Variants in SLC24A3 observed in about 807,000 individuals in gnomAD.
SLC24A3 encodes the protein sodium/potassium/calcium exchanger 3.
Under a neutral mutation model 75.8 loss-of-function variants are expected in SLC24A3, and 28 were observed. That is an observed-to-expected ratio of 0.37 (90% confidence interval 0.27 to 0.51). The LOEUF (loss-of-function observed/expected upper bound fraction) is 0.51. Ranked by LOEUF, SLC24A3 falls within the 20% of genes least tolerant of loss-of-function variation. SLC24A3 has a pLI of 0.94. For synonymous variants in SLC24A3, 372 were observed against 334.1 expected (o/e 1.11, Z -1.24); for missense variants, 663 against 847.8 (o/e 0.78, Z 2.71).
chr20:19,637,153 TA>T (rs1267750925), intron 6 of SLC24A3, among the ~76,000 whole-genome samples: 1 of 152,104 alleles, frequency 6.6e-6, no homozygotes, highest in Non-Finnish European at 1.5e-5. Context: ...ATACAAAAAT[TA>T]GCCAGACATG....
intron 2 of SLC24A3, among the ~76,000 whole-genome samples, chr20:19,510,664 G>C (rs561263467): frequency 1.3e-5 from 2 of 152,348 alleles, no homozygotes; most frequent in African/African-American, 4.8e-5. Context: ...AGAGGAGGAA[G>C]AGACCAGAGT....
intron 2 of SLC24A3, among the ~76,000 whole-genome samples, chr20:19,312,748 G>A (rs1984489102): frequency 6.6e-6 from 1 of 152,178 alleles, no homozygotes; most frequent in Non-Finnish European, 1.5e-5. Context: ...GAAGGGCCTT[G>A]GGGTTGTGAG....
At chr20:19,573,971 G>A (rs544446770) in intron 3 of SLC24A3, among the ~76,000 whole-genome samples, 4 of 152,340 alleles carry the variant, frequency 2.6e-5, no homozygotes, top group South Asian at 2.1e-4. Flanking sequence ...AACCTCTTAC[G>A]TTGGGTACTT....
chr20:19,716,224 AT>A, intron 15 of SLC24A3, among the ~76,000 whole-genome samples: 1 of 152,076 alleles, frequency 6.6e-6, no homozygotes, highest in South Asian at 2.1e-4. Context: ...AATCTCTTCT[AT>A]TTTGGGGCAG....
chr20:19,222,821 C>CTTCCTTCCTTCCTTCG (rs1981764022), intron 1 of SLC24A3, among the ~76,000 whole-genome samples: 2 of 145,126 alleles, frequency 1.4e-5, no homozygotes, highest in African/African-American at 2.5e-5. Context: ...TCCTTCGTTC[C>CTTCCTTCCTTCCTTCG]TTCCTTCCTT....
chr20:19,544,438 C>T (rs193229041), intron 3 of SLC24A3, among the ~76,000 whole-genome samples: 22 of 152,058 alleles, frequency 1.4e-4, no homozygotes, highest in Non-Finnish European at 3.1e-4. Flanking sequence ...ACAGAGAGCT[C>T]GAAAGAAAAA....
intron 2 of SLC24A3, among the ~76,000 whole-genome samples, chr20:19,436,172 A>C (rs913237981): frequency 6.6e-6 from 1 of 152,196 alleles, no homozygotes; most frequent in Non-Finnish European, 1.5e-5. Flanking sequence ...CTGTTTTCAT[A>C]TCCTATACTA....
At position 19,508,828 on chromosome 20, in the gene SLC24A3, G is replaced by A. The variant is rs1988496992; in HGVS notation, c.272-6660G>A. Among the ~76,000 whole-genome samples the A allele has an allele frequency of 2.0e-5, 3 of 152,378 alleles. No individual in the cohort carries two copies. In the South Asian group the frequency reaches 6.2e-4, roughly 32 times the overall value. ...GAGGCTGCTCCGTTCTCCCTGCATA[G>A]GTAGCTGCTGTTAACAGGCCATGTG... On this transcript the variant is annotated intron_variant, in intron 2 of 16. Coordinates refer to ENST00000328041, the MANE Select transcript of SLC24A3 (RefSeq NM_020689.4).
chr20:19,446,857 G>C (rs377133987), intron 2 of SLC24A3, among the ~76,000 whole-genome samples: 2 of 152,184 alleles, frequency 1.3e-5, no homozygotes, highest in Non-Finnish European at 2.9e-5. Context: ...TGCAGTGCTC[G>C]TCGTCAGCTG....
intron 2 of SLC24A3, among the ~76,000 whole-genome samples, chr20:19,339,735 G>A (rs1353804766): frequency 1.3e-5 from 2 of 152,190 alleles, no homozygotes; most frequent in Non-Finnish European, 2.9e-5. Context: ...AGGGTAACCT[G>A]GAGACAACCC....
chr20:19,298,163 A>G (rs573627543), intron 2 of SLC24A3, among the ~76,000 whole-genome samples: 6 of 152,334 alleles, frequency 3.9e-5, no homozygotes, highest in Non-Finnish European at 5.9e-5. Flanking sequence ...TTCCTTCTTC[A>G]AGTACCTTTA....
intron 2 of SLC24A3, among the ~76,000 whole-genome samples, chr20:19,370,165 G>T (rs1985967439): frequency 6.6e-6 from 1 of 152,336 alleles, no homozygotes; most frequent in Non-Finnish European, 1.5e-5. Flanking sequence ...GGAAGTGGTT[G>T]TAAATCTGTC....
At chr20:19,360,350 A>G (rs1985763790) in intron 2 of SLC24A3, among the ~76,000 whole-genome samples, 1 of 152,250 alleles carries the variant, frequency 6.6e-6, no homozygotes, top group Admixed American at 6.5e-5. Context: ...GGGCCTGTGA[A>G]TATCTCAAAA....
At chr20:19,589,769 T>G (rs1267242234) in intron 6 of SLC24A3, among the ~76,000 whole-genome samples, 1 of 152,118 alleles carries the variant, frequency 6.6e-6, no homozygotes. Flanking sequence ...TAAAAATATT[T>G]GCGGAAATAC....
intron 3 of SLC24A3, among the ~76,000 whole-genome samples, chr20:19,562,873 G>A (rs566163215): frequency 3.3e-5 from 5 of 152,244 alleles, no homozygotes; most frequent in African/African-American, 1.2e-4. Context: ...CATCCTATGG[G>A]ATTAGGTCAG....
intron 2 of SLC24A3, among the ~76,000 whole-genome samples, chr20:19,288,944 C>T (rs1416167182): frequency 1.3e-5 from 2 of 152,196 alleles, no homozygotes; most frequent in East Asian, 3.8e-4. Context: ...GACCACAGGG[C>T]TTGAAAAGCC....
At chr20:19,679,751 ATTG>A (rs1409947496) in intron 9 of SLC24A3, among the ~76,000 whole-genome samples, 2 of 152,154 alleles carry the variant, frequency 1.3e-5, no homozygotes, top group Admixed American at 6.5e-5. Flanking sequence ...TGTCTTTTTC[ATTG>A]TTTTCTTTTA....
chr20:19,337,559 G>T (rs2122302463), intron 2 of SLC24A3, among the ~76,000 whole-genome samples: 1 of 152,224 alleles, frequency 6.6e-6, no homozygotes, highest in South Asian at 2.1e-4. Flanking sequence ...GACTTGTTAT[G>T]AGCTCAGAAC....
At chr20:19,385,037 T>C (rs1268753542) in intron 2 of SLC24A3, among the ~76,000 whole-genome samples, 3 of 152,242 alleles carry the variant, frequency 2.0e-5, no homozygotes, top group Non-Finnish European at 4.4e-5. Context: ...ATTCTAGATA[T>C]TAATGCCTTA....
Sources: gnomAD v4.1 joint callset for allele counts (sites outside exome capture counted in the v4.1 genomes callset) on GRCh38, gnomAD v4.1.1 for gene constraint, MANE v1.5 for transcripts, NCBI Gene and HGNC (gene_info 2026-07-23, HGNC 2026-07-21) for gene names.